The following CRPPA variants were observed in gnomAD, a reference collection of about 807,000 sequenced individuals.
CRPPA encodes CDP-L-ribitol pyrophosphorylase A, also known as D-ribitol-5-phosphate cytidylyltransferase.
Under a neutral mutation model 52.0 loss-of-function variants are expected in CRPPA, and 43 were observed. The observed-to-expected ratio is 0.83, with a 90% confidence interval of 0.65 to 1.07. CRPPA has a LOEUF of 1.07. CRPPA is among the 50% of genes least tolerant of loss of function. The pLI is 0.00. For synonymous variants in CRPPA, 250 were observed against 203.5 expected, an observed-to-expected ratio of 1.23 and a Z score of -1.94; for missense variants, 629 against 551.7, an observed-to-expected ratio of 1.14 and a Z score of -1.40.
chr7:16,387,708 T>G (rs1787325634), intron 2 of CRPPA, among the ~76,000 whole-genome samples: 1 of 152,078 alleles, frequency 6.6e-6, no homozygotes, highest in African/African-American at 2.4e-5. Context: ...TTTGGAAACA[T>G]CAATATTCTA....
At chr7:16,095,131 C>G (rs576795796) in intron 9 of CRPPA, among the ~76,000 whole-genome samples, 1 of 152,156 alleles carries the variant, frequency 6.6e-6, no homozygotes, top group Admixed American at 6.5e-5. Flanking sequence ...CTGAAGCATA[C>G]TCCTTTCAAA....
chr7:16,342,863 A>G (rs1785911006), intron 3 of CRPPA, among the ~76,000 whole-genome samples: 1 of 148,250 alleles, frequency 6.7e-6, no homozygotes, highest in Admixed American at 6.8e-5. Flanking sequence ...ATATAGATAT[A>G]TAGAGATATA....
At chr7:16,284,040 A>C (rs371078706) in intron 5 of CRPPA, among the ~76,000 whole-genome samples, 70 of 152,182 alleles carry the variant, frequency 4.6e-4, no homozygotes, top group African/African-American at 1.7e-3. Context: ...GAAGAGACCA[A>C]AGAACGATTT....
At chr7:16,253,889 A>G (rs1174670295) in intron 8 of CRPPA, among the ~76,000 whole-genome samples, 1 of 152,218 alleles carries the variant, frequency 6.6e-6, no homozygotes, top group Admixed American at 6.6e-5. Flanking sequence ...ACAAATTTAC[A>G]AGAAAAAAAC....
intron 1 of CRPPA, among the ~76,000 whole-genome samples, chr7:16,414,191 A>G (rs1405369182): frequency 1.3e-5 from 2 of 152,170 alleles, no homozygotes; most frequent in African/African-American, 4.8e-5. Context: ...GCCCTGCCAG[A>G]CCTTGTTCAA....
chr7:16,209,063 G>A (rs1018398059), intron 9 of CRPPA: 13 of 407,234 alleles, frequency 3.2e-5, no homozygotes, highest in African/African-American at 1.0e-4. Flanking sequence ...GGGAAGTGGT[G>A]TTATGACAGA....
intron 8 of CRPPA, among the ~76,000 whole-genome samples, chr7:16,218,193 G>A (rs1782385855): frequency 6.7e-6 from 1 of 148,656 alleles, no homozygotes; most frequent in Non-Finnish European, 1.5e-5. Context: ...GCCAAACTAA[G>A]CTTCATAAGT....
At chr7:16,216,014 C>G (rs1782294958) in intron 9 of CRPPA, 52 bp downstream of exon 9, 1 of 1,370,014 alleles carries the variant, frequency 7.3e-7, no homozygotes, top group Admixed American at 2.3e-5. Flanking sequence ...AGATACCTAC[C>G]ATTAAAACTA....
intron 2 of CRPPA, among the ~76,000 whole-genome samples, chr7:16,393,835 C>T (rs1787502854): frequency 6.6e-6 from 1 of 151,778 alleles, no homozygotes; most frequent in Non-Finnish European, 1.5e-5. Flanking sequence ...GTATTAGTGT[C>T]CAGAATATAT....
intron 8 of CRPPA, among the ~76,000 whole-genome samples, chr7:16,252,434 A>C (rs1288795167): frequency 2.0e-5 from 3 of 152,200 alleles, no homozygotes; most frequent in Non-Finnish European, 4.4e-5. Context: ...TGACAAACCC[A>C]CAGCCAATAT....
chr7:16,224,766 C>T (rs115127326), intron 8 of CRPPA, among the ~76,000 whole-genome samples: 1 of 152,162 alleles, frequency 6.6e-6, no homozygotes, highest in African/African-American at 2.4e-5. Flanking sequence ...AATATTTGAT[C>T]TGAAGGATTA....
At chr7:16,203,894 G>A (rs1781912283) in intron 9 of CRPPA, among the ~76,000 whole-genome samples, 2 of 152,060 alleles carry the variant, frequency 1.3e-5, no homozygotes, top group Non-Finnish European at 1.5e-5. Context: ...TTTTATTCAG[G>A]AAGCAAAATA....
At chr7:16,180,773 T>C (rs1422445959) in intron 9 of CRPPA, among the ~76,000 whole-genome samples, 1 of 152,046 alleles carries the variant, frequency 6.6e-6, no homozygotes, top group African/African-American at 2.4e-5. Context: ...AAAATATAAA[T>C]ATAGCTTATT....
At chr7:16,409,866 C>A (rs191644285) in intron 1 of CRPPA, among the ~76,000 whole-genome samples, 5 of 152,224 alleles carry the variant, frequency 3.3e-5, no homozygotes, top group Admixed American at 2.0e-4. Context: ...ATGTAGGCTC[C>A]ATATAGAGAC....
chr7:16,271,745 T>C (rs761553504), intron 6 of CRPPA, among the ~76,000 whole-genome samples: 2 of 152,200 alleles, frequency 1.3e-5, no homozygotes, highest in Non-Finnish European at 2.9e-5. Context: ...GGCTCTCTTA[T>C]ATAAGCACAG....
chr7:16,181,359 T>C lies in CRPPA; in HGVS notation c.1251+34707A>G, dbSNP rs541369870. The stretch of plus-strand genomic sequence containing the variant: ...CCATAATCAGTGTTCATTAAAATGT[T>C]CTAATAAGATTAGAATCTGTTTTAT... On this transcript the variant is annotated intron_variant, in intron 9 of 9. Coordinates refer to ENST00000407010, the MANE Select transcript of CRPPA (RefSeq NM_001101426.4). Among the ~76,000 whole-genome samples, 4 of 152,100 alleles carry C rather than the reference T, an allele frequency of 2.6e-5. No individual in the cohort carries two copies. The East Asian group carries it at 7.7e-4, about 29-fold the overall frequency.
At chr7:16,239,756 A>G (rs901152358) in intron 8 of CRPPA, among the ~76,000 whole-genome samples, 1 of 152,156 alleles carries the variant, frequency 6.6e-6, no homozygotes, top group Non-Finnish European at 1.5e-5. Context: ...TTACTAGAAT[A>G]GCACTGGAAA....
At chr7:16,162,620 G>A (rs1380659933) in intron 9 of CRPPA, among the ~76,000 whole-genome samples, 6 of 152,170 alleles carry the variant, frequency 3.9e-5, no homozygotes, top group Admixed American at 3.3e-4. Flanking sequence ...TTTAGAATAC[G>A]TGTGATGTGG....
intron 5 of CRPPA, among the ~76,000 whole-genome samples, chr7:16,284,055 G>A (rs1484898470): frequency 6.6e-6 from 1 of 152,022 alleles, no homozygotes; most frequent in Non-Finnish European, 1.5e-5. Flanking sequence ...CGATTTCTAT[G>A]CAGAGTCAAA....
Sources: allele counts gnomAD v4.1 joint callset (sites outside exome capture counted in the v4.1 genomes callset), GRCh38; gene constraint gnomAD v4.1.1; transcripts MANE v1.5; gene names NCBI Gene and HGNC (gene_info 2026-07-23, HGNC 2026-07-21).